The following EYS variants were observed in gnomAD, a reference collection of about 807,000 sequenced individuals.
EYS encodes EGF-like photoreceptor maintenance factor, also known as protein eyes shut homolog.
Under a neutral mutation model 282.1 loss-of-function variants are expected in EYS, and 250 were observed. That is an observed-to-expected ratio of 0.89 (90% CI 0.80 to 0.98). EYS has a LOEUF of 0.98. Ranked by LOEUF, EYS falls within the 50% of genes least tolerant of loss-of-function variation. EYS has a pLI of 0.00. For synonymous variants in EYS, 1,355 were observed against 1,282.9 expected (o/e 1.06, Z -1.20); for missense variants, 4,016 against 3,709.0 (o/e 1.08, Z -2.15).
chr6:63,949,804 A>G (rs1765514465), intron 35 of EYS, among the ~76,000 whole-genome samples: 1 of 152,200 alleles, frequency 6.6e-6, no homozygotes, highest in African/African-American at 2.4e-5. Context: ...ACTGTCACCA[A>G]CCAAAATGTC....
At chr6:65,459,362 G>T (rs1764736276) in intron 5 of EYS, among the ~76,000 whole-genome samples, 1 of 151,986 alleles carries the variant, frequency 6.6e-6, no homozygotes, top group Admixed American at 6.6e-5. Flanking sequence ...CTGAATAATT[G>T]CTGTCATTAT....
chr6:63,760,030 C>T (rs1242735359), intron 41 of EYS, among the ~76,000 whole-genome samples: 3 of 151,912 alleles, frequency 2.0e-5, no homozygotes, highest in African/African-American at 7.2e-5. Context: ...GTGTGGGTTT[C>T]TTTATCTTAT....
intron 12 of EYS, among the ~76,000 whole-genome samples, chr6:65,246,576 C>A (rs2150279828): frequency 6.6e-6 from 1 of 152,064 alleles, no homozygotes; most frequent in Non-Finnish European, 1.5e-5. Context: ...GGAAAAGAGC[C>A]CCCCATAGTA....
At chr6:65,411,936 T>C (rs1767034122) in intron 5 of EYS, among the ~76,000 whole-genome samples, 1 of 151,982 alleles carries the variant, frequency 6.6e-6, no homozygotes. Context: ...CTATTACAAA[T>C]TGCTAGGGAC....
intron 36 of EYS, among the ~76,000 whole-genome samples, chr6:63,816,329 G>T (rs975218248): frequency 2.0e-5 from 3 of 152,042 alleles, no homozygotes; most frequent in Admixed American, 1.3e-4. Flanking sequence ...GAATAATTAA[G>T]AACAACAATC....
intron 31 of EYS, among the ~76,000 whole-genome samples, chr6:64,211,509 A>ATATCTACC (rs1186383716): frequency 6.6e-6 from 1 of 151,292 alleles, no homozygotes; most frequent in African/African-American, 2.4e-5. Context: ...TATGTGAATG[A>ATATCTACC]TATCTACCCT....
chr6:65,437,055 A>T (rs1162078956), intron 5 of EYS, among the ~76,000 whole-genome samples: 1 of 152,140 alleles, frequency 6.6e-6, no homozygotes, highest in African/African-American at 2.4e-5. Flanking sequence ...AAGCTGGCTG[A>T]TTGGTAGCAG....
At chr6:65,156,001 C>T (rs1351504412) in intron 12 of EYS, among the ~76,000 whole-genome samples, 2 of 151,348 alleles carry the variant, frequency 1.3e-5, no homozygotes, top group Non-Finnish European at 3.0e-5. Flanking sequence ...AGCCAAGCTT[C>T]AGTCTGTAGA....
At chr6:65,291,817 C>T (rs1477516148) in intron 12 of EYS, among the ~76,000 whole-genome samples, 1 of 151,552 alleles carries the variant, frequency 6.6e-6, no homozygotes, top group Non-Finnish European at 1.5e-5. Flanking sequence ...TAGGATCCTG[C>T]TTCTACCTAC....
intron 24 of EYS, among the ~76,000 whole-genome samples, chr6:64,616,164 A>C (rs1010978436): frequency 1.3e-5 from 2 of 152,132 alleles, no homozygotes; most frequent in Non-Finnish European, 2.9e-5. Context: ...CTAAGGCTGC[A>C]CTGGCAGAAG....
rs192436227 is a variant in EYS at position 65,138,345 on chromosome 6, G to T, written c.2024-80618C>A. ...CACATGTCTGCTTCTTACTTTTTTT[G>T]GAAGCCCAGTATTACTTTAAAATGT... On this transcript the variant is annotated intron_variant, in intron 12 of 42. Transcript: ENST00000503581. Among the ~76,000 whole-genome samples, 766 of 151,894 alleles carry T rather than the reference G, an allele frequency of 5.0e-3. 5 individuals are homozygous for T. The highest frequency in any genetic ancestry group is 0.017 in the African/African-American group (720 of 41,452).
intron 30 of EYS, among the ~76,000 whole-genome samples, chr6:64,269,317 C>A (rs545251274): frequency 4.6e-5 from 7 of 151,376 alleles, no homozygotes; most frequent in African/African-American, 1.7e-4. Context: ...AAAATCAGTG[C>A]GACTAACATA....
At chr6:65,077,555 C>T (rs1774094489) in intron 12 of EYS, among the ~76,000 whole-genome samples, 1 of 151,928 alleles carries the variant, frequency 6.6e-6, no homozygotes, top group Admixed American at 6.6e-5. Flanking sequence ...CTGAAACGCT[C>T]AAACAGAATT....
intron 30 of EYS, among the ~76,000 whole-genome samples, chr6:64,283,000 A>T (rs1768364435): frequency 1.3e-5 from 2 of 152,198 alleles, no homozygotes; most frequent in South Asian, 4.1e-4. Context: ...AGTCATACTG[A>T]AATTGAAATT....
intron 22 of EYS, among the ~76,000 whole-genome samples, chr6:64,656,359 GGCACATATTTAGTCAACTAACCCTACAA>G (rs984850309): frequency 6.6e-6 from 1 of 152,030 alleles, no homozygotes; most frequent in African/African-American, 2.4e-5. Context: ...GCTTAACTCA[GGCACATATTTAGTCAACTAACCCTACAA>G]CCTTGACTGA....
At chr6:65,348,384 C>T (rs567545597) in intron 9 of EYS, among the ~76,000 whole-genome samples, 28 of 151,634 alleles carry the variant, frequency 1.8e-4, no homozygotes, top group Middle Eastern at 6.8e-3. Flanking sequence ...CTATACATTC[C>T]TGCTAGCATT....
At chr6:65,423,982 G>C (rs1215721099) in intron 5 of EYS, among the ~76,000 whole-genome samples, 1 of 151,822 alleles carries the variant, frequency 6.6e-6, no homozygotes, top group African/African-American at 2.4e-5. Context: ...AGGTTCCTAT[G>C]TGTCTTGCCT....
chr6:64,409,715 A>C (rs1773825224), intron 28 of EYS, among the ~76,000 whole-genome samples: 1 of 152,144 alleles, frequency 6.6e-6, no homozygotes, highest in Non-Finnish European at 1.5e-5. Context: ...AACCTGAGTA[A>C]AGGTAAGAGA....
rs572511411 is a variant in EYS, at chr6:64,055,056, A to G, written c.6725+11282T>C. ...AGATCTGCTTACTGTAGTACAGATGAGAGGCATGACCCTCCTGGAGCTTGG... is the reference window on the plus strand; with the variant it reads ...AGATCTGCTTACTGTAGTACAGATGGGAGGCATGACCCTCCTGGAGCTTGG... On this transcript the variant is annotated intron_variant, in intron 33 of 42. Coordinates refer to ENST00000503581, the MANE Select transcript of EYS (RefSeq NM_001142800.2). Among the ~76,000 whole-genome samples, 4 of 152,286 alleles carry G rather than the reference A, an allele frequency of 2.6e-5. No individual in the cohort carries two copies. The East Asian group carries it at 7.7e-4, about 29-fold the overall frequency.
Sources: gnomAD v4.1 joint callset for allele counts (sites outside exome capture counted in the v4.1 genomes callset) on GRCh38, gnomAD v4.1.1 for gene constraint, MANE v1.5 for transcripts, NCBI Gene and HGNC (gene_info 2026-07-23, HGNC 2026-07-21) for gene names.